Variants in ZC3H12B observed in about 807,000 individuals in gnomAD.
The protein encoded by ZC3H12B is probable ribonuclease ZC3H12B.
ZC3H12B carries 7 observed loss-of-function variants against 43.9 expected under a neutral mutation model. That is an observed-to-expected ratio of 0.16 (90% CI 0.09 to 0.30). The LOEUF is 0.30. ZC3H12B is among the 10% of genes least tolerant of loss of function. The pLI is 1.00. For missense variants in ZC3H12B, 475 were observed against 670.2 expected, an observed-to-expected ratio of 0.71 and a Z score of 3.22; for synonymous variants, 222 against 241.7, an observed-to-expected ratio of 0.92 and a Z score of 0.76.
chrX:65,447,985 C>T (rs905902833), intron 3 of ZC3H12B, among the ~76,000 whole-genome samples: 1 of 111,450 alleles, frequency 9.0e-6, no homozygotes, highest in Non-Finnish European at 1.9e-5. Context: ...GTAATCCCAG[C>T]ACTTTGGGAG....
chrX:65,389,259 C>A (rs1361342845), intron 2 of ZC3H12B, among the ~76,000 whole-genome samples: 1 of 112,310 alleles, frequency 8.9e-6, no homozygotes, highest in Non-Finnish European at 1.9e-5. Context: ...TCAGGCAGGC[C>A]TTCTTGAGCT....
the ZC3H12B span, among the ~76,000 whole-genome samples, chrX:65,192,512 A>C: frequency 9.0e-6 from 1 of 110,795 alleles, no homozygotes; most frequent in African/African-American, 3.3e-5. Context: ...TATTTTATTG[A>C]GGTATGTTTA....
chrX:65,321,442 A>G, the ZC3H12B span, among the ~76,000 whole-genome samples: 3 of 111,903 alleles, frequency 2.7e-5, no homozygotes. Flanking sequence ...ATGCTTGTAC[A>G]CTGTTGGTGT....
chrX:65,406,582 C>A (rs1237587031), intron 3 of ZC3H12B, among the ~76,000 whole-genome samples: 29 of 20,778 alleles, frequency 1.4e-3, no homozygotes, highest in African/African-American at 7.7e-3. Context: ...CTGGGCGGGG[C>A]TGGGCGGGGC....
intron 3 of ZC3H12B, among the ~76,000 whole-genome samples, chrX:65,481,687 C>T (rs187937205): frequency 8.9e-6 from 1 of 111,953 alleles, no homozygotes; most frequent in Non-Finnish European, 1.9e-5. Flanking sequence ...CTCTGAAATA[C>T]TTTTAAAACT....
chrX:65,294,447 A>C, the ZC3H12B span, among the ~76,000 whole-genome samples: 1 of 111,430 alleles, frequency 9.0e-6, no homozygotes, highest in African/African-American at 3.3e-5. Context: ...TAACATAATG[A>C]CAAAAAAGAA....
At chrX:65,170,190 G>T in the ZC3H12B span, among the ~76,000 whole-genome samples, 2 of 111,516 alleles carry the variant, frequency 1.8e-5, no homozygotes, top group African/African-American at 6.5e-5. Flanking sequence ...CCTTTCCATG[G>T]TTAGTGCTTT....
At chrX:65,458,872 A>G (rs1437775373) in intron 3 of ZC3H12B, among the ~76,000 whole-genome samples, 1 of 111,719 alleles carries the variant, frequency 9.0e-6, no homozygotes, top group Non-Finnish European at 1.9e-5. Flanking sequence ...AGCAGAACTG[A>G]AGGAAATAGA....
At chrX:65,066,559 T>C in the ZC3H12B span, among the ~76,000 whole-genome samples, 1 of 111,498 alleles carries the variant, frequency 9.0e-6, no homozygotes, top group African/African-American at 3.3e-5. Context: ...TGAGCTCTTC[T>C]GTATGAGGCG....
At chrX:65,291,910 A>G in the ZC3H12B span, among the ~76,000 whole-genome samples, 9 of 112,054 alleles carry the variant, frequency 8.0e-5, no homozygotes, top group South Asian at 1.1e-3. Flanking sequence ...CAGTAAGGGA[A>G]ATTATCAGGG....
chrX:65,172,676 T>A, the ZC3H12B span, among the ~76,000 whole-genome samples: 2 of 112,406 alleles, frequency 1.8e-5, no homozygotes, highest in Admixed American at 1.9e-4. Flanking sequence ...ATTTATTACA[T>A]AGGGAATCCT....
intron 3 of ZC3H12B, among the ~76,000 whole-genome samples, chrX:65,430,058 G>T (rs374482453): frequency 1.1e-4 from 12 of 112,577 alleles, no homozygotes; most frequent in African/African-American, 3.5e-4. Flanking sequence ...GAATTATGCT[G>T]CTTGGCTCCC....
the ZC3H12B span, among the ~76,000 whole-genome samples, chrX:65,152,099 T>A: frequency 9.0e-6 from 1 of 111,513 alleles, no homozygotes; most frequent in East Asian, 2.8e-4. Flanking sequence ...ATAAGAGCTA[T>A]CTATGACAAA....
the ZC3H12B span, among the ~76,000 whole-genome samples, chrX:65,094,888 C>T: frequency 9.0e-6 from 1 of 111,678 alleles, no homozygotes; most frequent in African/African-American, 3.3e-5. Flanking sequence ...AGTTGCAAGC[C>T]AATGTAGCCA....
the ZC3H12B span, among the ~76,000 whole-genome samples, chrX:65,354,484 T>C: frequency 9.0e-6 from 1 of 111,659 alleles, no homozygotes; most frequent in Non-Finnish European, 1.9e-5. Flanking sequence ...CAAAGGTAGA[T>C]AAATCCATGA....
chrX:65,202,111 ATATAT>A, the ZC3H12B span, among the ~76,000 whole-genome samples: 1 of 88,969 alleles, frequency 1.1e-5, no homozygotes, highest in Admixed American at 1.4e-4. Flanking sequence ...TTTATATAAT[ATATAT>A]TATATGTAAT....
intron 3 of ZC3H12B, among the ~76,000 whole-genome samples, chrX:65,450,791 A>ATATATATACATATGTGTATATATG (rs2067486390): frequency 2.7e-5 from 2 of 73,394 alleles, no homozygotes; most frequent in Non-Finnish European, 4.7e-5. Flanking sequence ...GTATATATGT[A>ATATATATACATATGTGTATATATG]TATATATACA....
chrX:65,211,158 T>G, the ZC3H12B span, among the ~76,000 whole-genome samples: 2 of 108,566 alleles, frequency 1.8e-5, no homozygotes, highest in African/African-American at 6.7e-5. Flanking sequence ...GATGGGGTTG[T>G]TTGTTTCTTT....
chrX:65,111,556 ATT>A, the ZC3H12B span, among the ~76,000 whole-genome samples: 8,803 of 91,706 alleles, frequency 0.096, 1,020 homozygotes, highest in African/African-American at 0.46. Context: ...TTTTTTTATT[ATT>A]TTTTTTTTTA....
Sources: gnomAD v4.1 joint callset for allele counts (sites outside exome capture counted in the v4.1 genomes callset) on GRCh38, gnomAD v4.1.1 for gene constraint, MANE v1.5 for transcripts, NCBI Gene and HGNC (gene_info 2026-07-23, HGNC 2026-07-21) for gene names.